Variants in MTMR3 observed in about 807,000 individuals in gnomAD.
The protein encoded by MTMR3 is myotubularin related protein 3, also known as phosphatidylinositol-3,5-bisphosphate 3-phosphatase MTMR3.
A neutral mutation model predicts 132.4 loss-of-function variants in MTMR3; 32 were observed. The observed-to-expected ratio is 0.24, with a 90% CI of 0.18 to 0.32. The LOEUF (loss-of-function observed/expected upper bound fraction) is 0.32. Among genes scored for constraint, MTMR3 ranks in the 10% least tolerant of loss-of-function variants. MTMR3 has a pLI of 1.00. For synonymous variants in MTMR3, 556 were observed against 550.3 expected, an observed-to-expected ratio of 1.01 and a Z score of -0.14; for missense variants, 1,216 against 1,489.6, an observed-to-expected ratio of 0.82 and a Z score of 3.02.
intron 1 of MTMR3, among the ~76,000 whole-genome samples, chr22:29,949,151 C>T (rs1343349362): frequency 2.0e-5 from 1 of 50,496 alleles, no homozygotes; most frequent in Non-Finnish European, 5.0e-5. Context: ...ACACCCCCCC[C>T]CCCCCCCCCG....
chr22:29,958,929 A>G (rs1020949486), intron 2 of MTMR3, among the ~76,000 whole-genome samples: 1 of 152,206 alleles, frequency 6.6e-6, no homozygotes, highest in Non-Finnish European at 1.5e-5. Context: ...ATTGGTCAGC[A>G]TAGTCTTGTT....
At chr22:29,969,330 C>T (rs1288721687) in intron 2 of MTMR3, among the ~76,000 whole-genome samples, 1 of 152,116 alleles carries the variant, frequency 6.6e-6, no homozygotes, top group East Asian at 1.9e-4. Context: ...TTTAATTAAT[C>T]CACTCAAATC....
intron 1 of MTMR3, among the ~76,000 whole-genome samples, chr22:29,949,114 CACACACACACACACACACACACACACACA>C: frequency 6.9e-5 from 2 of 28,962 alleles, no homozygotes; most frequent in South Asian, 2.5e-3. Flanking sequence ...CACACACACA[CACACACACACACACACACACACACACACA>C]CCCCCCCCCC....
chr22:29,943,878 T>C (rs2065905163), intron 1 of MTMR3, among the ~76,000 whole-genome samples: 1 of 150,292 alleles, frequency 6.7e-6, no homozygotes, highest in Admixed American at 6.7e-5. Flanking sequence ...GGCTGGAGTG[T>C]AGTAGCACGA....
intron 1 of MTMR3, among the ~76,000 whole-genome samples, chr22:29,934,396 G>C (rs2065708155): frequency 6.6e-6 from 1 of 152,104 alleles, no homozygotes; most frequent in Non-Finnish European, 1.5e-5. Context: ...AAAGATGTTA[G>C]CACGCATCTA....
chr22:30,014,601 TG>T (rs1321529982), intron 14 of MTMR3: 1 of 150,166 alleles, frequency 6.7e-6, no homozygotes, highest in Non-Finnish European at 1.5e-5. Flanking sequence ...CTCAAACTTC[TG>T]GGATCAAGAG....
chr22:29,973,538 C>T (rs553087556), intron 3 of MTMR3, among the ~76,000 whole-genome samples: 3 of 152,184 alleles, frequency 2.0e-5, no homozygotes, highest in East Asian at 1.9e-4. Context: ...TTTGCAAACA[C>T]GAACACTAGA....
rs540291018 is a variant in MTMR3 at position 29,974,523 on chromosome 22, C to T, written c.3+3461C>T. Among the ~76,000 whole-genome samples, 12 of 152,312 alleles carry T rather than the reference C, an allele frequency of 7.9e-5. No homozygotes were observed. In the East Asian group the frequency reaches 2.3e-3, roughly 29 times the overall value. On this transcript the variant is annotated intron_variant, in intron 3 of 19. Coordinates refer to ENST00000401950, the MANE Select transcript of MTMR3 (RefSeq NM_021090.4). ...AAAAATAAGTACTTCATATTCTTGC[C>T]TTGCTGGCCTAATTCTCAGTTGTTT... is the stretch of plus-strand genomic sequence containing the variant.
chr22:29,941,766 AT>A (rs1199031126), intron 1 of MTMR3, among the ~76,000 whole-genome samples: 1 of 152,190 alleles, frequency 6.6e-6, no homozygotes, highest in East Asian at 1.9e-4. Flanking sequence ...TATGTATGAC[AT>A]TTATTACCAT....
intron 1 of MTMR3, among the ~76,000 whole-genome samples, chr22:29,955,486 A>G (rs554479902): frequency 8.5e-5 from 13 of 152,218 alleles, no homozygotes; most frequent in Non-Finnish European, 1.8e-4. Flanking sequence ...TAAGCAACTT[A>G]ATAGCAAGAC....
At chr22:29,885,056 A>T (rs1250263877) in intron 1 of MTMR3, among the ~76,000 whole-genome samples, 1 of 152,218 alleles carries the variant, frequency 6.6e-6, no homozygotes, top group Non-Finnish European at 1.5e-5. Flanking sequence ...ATGACCAGCC[A>T]TAAAAAACCC....
intron 15 of MTMR3, 87 bp from the exon 16 acceptor site, chr22:30,017,840 C>T: frequency 3.2e-6 from 5 of 1,550,960 alleles, no homozygotes; most frequent in Non-Finnish European, 4.4e-6. Context: ...GGTATTCCAG[C>T]TGGGTGCTTG....
chr22:29,959,204 G>A (rs758146094), intron 2 of MTMR3, among the ~76,000 whole-genome samples: 6 of 152,118 alleles, frequency 3.9e-5, no homozygotes, highest in Non-Finnish European at 7.3e-5. Flanking sequence ...TGGTACTGAT[G>A]ATGGAGCTGA....
At chr22:29,919,625 C>T (rs1254513277) in intron 1 of MTMR3, among the ~76,000 whole-genome samples, 2 of 151,906 alleles carry the variant, frequency 1.3e-5, no homozygotes, top group African/African-American at 2.4e-5. Flanking sequence ...TGGGCTCAAG[C>T]GATCTTCCCA....
At position 30,019,869 on chromosome 22, in the gene MTMR3, T is replaced by C. The variant is rs1363486442; in HGVS notation, c.2210T>C (p.Ile737Thr). Residue 737 changes from isoleucine (I) to threonine (T), a missense_variant, in exon 17 of 20, where the codon ATT (isoleucine) becomes ACT (threonine). By Grantham distance (89) the Ile-to-Thr change is moderately conservative (BLOSUM62 -1). This residue lies in a region of MTMR3 where 852 missense variants were observed against 852.0 expected (regional missense o/e 1.00). Coordinates refer to ENST00000401950, the MANE Select transcript of MTMR3 (RefSeq NM_021090.4). The part of the protein sequence containing the change: ...SRRKTPEASA[I>T]GLHQDPELGD... ...AGGAAGACACCTGAGGCCTCAGCCATTGGACTTCACCAAGACCCAGAACTG... is the reference window on the plus strand; with the variant it reads ...AGGAAGACACCTGAGGCCTCAGCCACTGGACTTCACCAAGACCCAGAACTG... The C allele has an allele frequency of 1.9e-6, 3 of 1,614,140 alleles. No homozygotes were observed. The highest frequency in any genetic ancestry group is 8.5e-7 in the Non-Finnish European group (1 of 1,180,014).
At chr22:29,952,586 GTA>G (rs1159271902) in intron 1 of MTMR3, among the ~76,000 whole-genome samples, 3 of 152,292 alleles carry the variant, frequency 2.0e-5, no homozygotes, top group African/African-American at 7.2e-5. Flanking sequence ...TGGCAGTTGT[GTA>G]AGGGTAGGAA....
At chr22:29,902,894 G>T (rs951360235) in intron 1 of MTMR3, among the ~76,000 whole-genome samples, 1 of 152,086 alleles carries the variant, frequency 6.6e-6, no homozygotes, top group African/African-American at 2.4e-5. Flanking sequence ...GCAATCTGAG[G>T]CCAAGAGAAA....
intron 7 of MTMR3, chr22:29,992,960 G>C (rs549717261): frequency 6.6e-6 from 1 of 152,216 alleles, no homozygotes; most frequent in African/African-American, 2.4e-5. Context: ...AAGAAATGGA[G>C]GCTCAGAGGT....
Position 29,978,108 on chromosome 22 carries a change from A to C in MTMR3, c.4-334A>C, listed in dbSNP as rs571675577. 26 of 179,828 alleles carry C rather than the reference A, an allele frequency of 1.4e-4. No individual in the cohort carries two copies. The South Asian group carries it at 3.0e-3, about 21-fold the overall frequency. The allele number at this position is 179,828 out of a possible 1,614,324, so 11.1% of individuals were successfully genotyped here. On this transcript the variant is annotated intron_variant, in intron 3 of 19. Coordinates refer to ENST00000401950, the MANE Select transcript of MTMR3 (RefSeq NM_021090.4). ...CGAGCCAAGATTACACCACCGCACT[A>C]CCTGTGCACTACACTACCAGTGCAC...
Sources: gnomAD v4.1 joint callset for allele counts (sites outside exome capture counted in the v4.1 genomes callset) on GRCh38, gnomAD v4.1.1 for gene constraint, gnomAD v4.1.1 regional missense constraint, MANE v1.5 for transcripts, NCBI Gene and HGNC (gene_info 2026-07-23, HGNC 2026-07-21) for gene names.